Variants in PTPRD observed in about 807,000 individuals in gnomAD.
PTPRD encodes protein tyrosine phosphatase receptor type D.
In PTPRD, 34 loss-of-function variants were observed where a neutral mutation model predicts 214.5. The ratio of observed to expected loss-of-function variants is 0.16; its 90% CI spans 0.12 to 0.21. The LOEUF is 0.21. Among genes scored for constraint, PTPRD ranks in the 10% least tolerant of loss-of-function variants. The probability of loss-of-function intolerance (pLI) is 1.00; values close to 1 mark genes in which losing one functional copy is unlikely to be tolerated. For synonymous variants in PTPRD, 1,128 were observed against 845.7 expected, an observed-to-expected ratio of 1.33 and a Z score of -5.79; for missense variants, 2,545 against 2,398.7, an observed-to-expected ratio of 1.06 and a Z score of -1.27.
At chr9:9,779,387 G>A (rs1382144265) in intron 5 of PTPRD, among the ~76,000 whole-genome samples, 7 of 151,986 alleles carry the variant, frequency 4.6e-5, no homozygotes, top group Non-Finnish European at 8.8e-5. Flanking sequence ...TCTGCACAGC[G>A]AAAGAAACTA....
chr9:10,038,235 T>A (rs777609399), intron 3 of PTPRD, among the ~76,000 whole-genome samples: 44 of 152,134 alleles, frequency 2.9e-4, no homozygotes, highest in Non-Finnish European at 3.8e-4. Flanking sequence ...TTCTCAGGAC[T>A]TCATCTTTAA....
intron 7 of PTPRD, among the ~76,000 whole-genome samples, chr9:9,646,344 G>GGGT (rs1564284037): frequency 9.6e-5 from 13 of 135,010 alleles, no homozygotes; most frequent in African/African-American, 2.3e-4. Context: ...TGTGTGTGTG[G>GGGT]GTGTGTGTGT....
At chr9:10,459,281 CTT>C (rs145111857) in intron 2 of PTPRD, among the ~76,000 whole-genome samples, 3,335 of 152,168 alleles carry the variant, frequency 0.022, 101 homozygotes, top group African/African-American at 0.068. Context: ...GCCACATTGT[CTT>C]TATCCAATGT....
At chr9:10,507,737 G>A (rs1566607550) in intron 2 of PTPRD, among the ~76,000 whole-genome samples, 1 of 152,156 alleles carries the variant, frequency 6.6e-6, no homozygotes, top group Admixed American at 6.6e-5. Flanking sequence ...GGGAAAACTG[G>A]CTAGCCATAT....
intron 10 of PTPRD, among the ~76,000 whole-genome samples, chr9:9,078,190 A>G (rs915805913): frequency 1.3e-5 from 2 of 152,158 alleles, no homozygotes; most frequent in Non-Finnish European, 2.9e-5. Flanking sequence ...TCTGCAAGAC[A>G]TAACATTATG....
intron 10 of PTPRD, among the ~76,000 whole-genome samples, chr9:9,049,613 T>C (rs2099680785): frequency 6.6e-6 from 1 of 152,108 alleles, no homozygotes; most frequent in Non-Finnish European, 1.5e-5. Context: ...TGTTTATTTG[T>C]AGGTAGTTAT....
At chr9:10,222,561 T>A (rs1266731668) in intron 3 of PTPRD, among the ~76,000 whole-genome samples, 3 of 152,064 alleles carry the variant, frequency 2.0e-5, no homozygotes, top group Non-Finnish European at 4.4e-5. Context: ...GTAGAATATA[T>A]TTTTCCTACT....
At chr9:8,457,100 T>C (rs2096236263) in intron 33 of PTPRD, among the ~76,000 whole-genome samples, 1 of 152,170 alleles carries the variant, frequency 6.6e-6, no homozygotes, top group Non-Finnish European at 1.5e-5. Context: ...ATCTGGTGTT[T>C]AATGTTTTCA....
intron 7 of PTPRD, among the ~76,000 whole-genome samples, chr9:9,679,226 C>G (rs1047602120): frequency 2.0e-5 from 3 of 151,442 alleles, no homozygotes. Flanking sequence ...CTTCCTCTCT[C>G]TCTCTCTTTC....
chr9:8,370,299 A>C (rs778571063), intron 39 of PTPRD, among the ~76,000 whole-genome samples: 14 of 151,988 alleles, frequency 9.2e-5, no homozygotes, highest in Non-Finnish European at 1.9e-4. Context: ...ACACATGTGC[A>C]GTAAAGAGCT....
At chr9:10,132,721 C>T (rs2098905682) in intron 3 of PTPRD, among the ~76,000 whole-genome samples, 1 of 152,138 alleles carries the variant, frequency 6.6e-6, no homozygotes, top group Non-Finnish European at 1.5e-5. Flanking sequence ...CCATTCTGTA[C>T]AGAATATTTT....
intron 3 of PTPRD, among the ~76,000 whole-genome samples, chr9:10,173,311 G>A (rs1339576079): frequency 6.6e-6 from 1 of 152,070 alleles, no homozygotes; most frequent in African/African-American, 2.4e-5. Flanking sequence ...ATAATGGAGT[G>A]TTACAGGACA....
chr9:9,938,168 TC>T (rs764571928), intron 5 of PTPRD, among the ~76,000 whole-genome samples: 10 of 152,132 alleles, frequency 6.6e-5, no homozygotes, highest in Non-Finnish European at 1.3e-4. Context: ...AACTCTGGTT[TC>T]CCACTCTGGA....
intron 11 of PTPRD, among the ~76,000 whole-genome samples, chr9:8,745,550 T>C (rs1291920860): frequency 6.6e-6 from 1 of 152,178 alleles, no homozygotes; most frequent in Non-Finnish European, 1.5e-5. Flanking sequence ...AAGTTTATCC[T>C]ATGAGTCAAA....
chr9:9,998,146 A>ATATATATATATATATATATATATATAT (rs1566998658), intron 4 of PTPRD, among the ~76,000 whole-genome samples: 4 of 137,712 alleles, frequency 2.9e-5, no homozygotes, highest in African/African-American at 1.1e-4. Context: ...ATATATATAT[A>ATATATATATATATATATATATATATAT]AAAGAAGAAG....
chr9:9,136,990 T>G (rs569117952), intron 10 of PTPRD, among the ~76,000 whole-genome samples: 1 of 152,172 alleles, frequency 6.6e-6, no homozygotes, highest in Non-Finnish European at 1.5e-5. Flanking sequence ...AAGGTGATGT[T>G]TTCTTCTTGT....
intron 30 of PTPRD, among the ~76,000 whole-genome samples, chr9:8,479,707 T>A (rs1274323273): frequency 2.0e-5 from 3 of 152,224 alleles, no homozygotes; most frequent in Non-Finnish European, 1.5e-5. Context: ...GTGAACAGCC[T>A]CTAAAAGGTC....
chr9:9,475,668 G>T (rs1392191802), intron 8 of PTPRD, among the ~76,000 whole-genome samples: 1 of 152,112 alleles, frequency 6.6e-6, no homozygotes, highest in East Asian at 1.9e-4. Flanking sequence ...CACTACAGAT[G>T]TCCCTGACTA....
rs1317174580 is a variant in PTPRD at position 9,665,817 on chromosome 9, T to G, written c.-287+68716A>C. ...ACAGTACTGAGGTAAACTAAGAAATTTGTTTGGCAAAATTCCAGGGAGCAC... is the reference window on the plus strand; with the variant it reads ...ACAGTACTGAGGTAAACTAAGAAATGTGTTTGGCAAAATTCCAGGGAGCAC... On this transcript the variant is annotated intron_variant, in intron 7 of 45. Transcript: ENST00000381196. 4.0e-5 allele frequency among the ~76,000 whole-genome samples: 6 copies of G among 151,844 alleles called. No homozygotes were observed. In the East Asian group the frequency reaches 7.7e-4, roughly 19 times the overall value.
Sources: gnomAD v4.1 joint callset for allele counts (sites outside exome capture counted in the v4.1 genomes callset) on GRCh38, gnomAD v4.1.1 for gene constraint, MANE v1.5 for transcripts, NCBI Gene and HGNC (gene_info 2026-07-23, HGNC 2026-07-21) for gene names.